The following FRAS1 variants were observed in gnomAD, a reference collection of about 807,000 sequenced individuals.
FRAS1 encodes the protein extracellular matrix organizing protein FRAS1.
Under a neutral mutation model 435.2 loss-of-function variants are expected in FRAS1, and 290 were observed. That is an observed-to-expected ratio of 0.67 (90% CI 0.61 to 0.73). The LOEUF is 0.73. Among genes scored for constraint, FRAS1 ranks in the 30% least tolerant of loss-of-function variants. The pLI, the probability that FRAS1 is intolerant of heterozygous loss-of-function variation, is 0.00. For missense variants in FRAS1, 4,860 were observed against 5,001.5 expected (o/e 0.97, Z 0.85); for synonymous variants, 1,800 against 1,851.0 (o/e 0.97, Z 0.71).
chr4:78,170,829 C>T (rs1240231080), intron 2 of FRAS1, among the ~76,000 whole-genome samples: 2 of 151,974 alleles, frequency 1.3e-5, no homozygotes, highest in Admixed American at 6.5e-5. Flanking sequence ...TCACGGGTGG[C>T]CCCACAGTCA....
At chr4:78,384,231 A>G in intron 28 of FRAS1, 88 bp downstream of exon 28, 1 of 939,474 alleles carries the variant, frequency 1.1e-6, no homozygotes, top group Non-Finnish European at 1.6e-6. Flanking sequence ...TTTAATGAAA[A>G]TTATTGCATT....
Position 78,259,115 on chromosome 4 carries a change from ATT to A in FRAS1, c.603+3742_603+3743del, listed in dbSNP as rs1725947647. Among the ~76,000 whole-genome samples, 4 of 82,774 alleles carry A rather than the reference ATT, an allele frequency of 4.8e-5. No individual in the cohort carries two copies. In the Admixed American group the frequency reaches 5.0e-4, roughly 10 times the overall value. The allele number at this position is 82,774 out of a possible 152,430, so 54.3% of individuals were successfully genotyped here. The stretch of plus-strand genomic sequence containing the variant: ...TTAATCCAGTCTATCATTGTTGGAC[ATT>A]TGTGTTGGTTCCAAGTCTTTGCTAT... On this transcript the variant is annotated intron_variant, in intron 6 of 73. Transcript: ENST00000512123.
At chr4:78,487,641 A>G (rs550988793) in intron 58 of FRAS1, among the ~76,000 whole-genome samples, 2 of 152,334 alleles carry the variant, frequency 1.3e-5, no homozygotes, top group South Asian at 4.1e-4. Flanking sequence ...GATTCTTCAT[A>G]TTGAGAATTC....
At chr4:78,061,803 CA>C (rs567211552) in intron 1 of FRAS1, among the ~76,000 whole-genome samples, 4 of 151,986 alleles carry the variant, frequency 2.6e-5, no homozygotes, top group Non-Finnish European at 5.9e-5. Flanking sequence ...AAACCAAAGC[CA>C]AAAAAACCTC....
chr4:78,141,311 T>G (rs1720172804), intron 2 of FRAS1, among the ~76,000 whole-genome samples: 1 of 152,188 alleles, frequency 6.6e-6, no homozygotes, highest in Non-Finnish European at 1.5e-5. Flanking sequence ...CCTTGTCACC[T>G]TTATTTTAAC....
chr4:78,111,672 C>T (rs1198457776), intron 2 of FRAS1, among the ~76,000 whole-genome samples: 17 of 116,606 alleles, frequency 1.5e-4, no homozygotes, highest in Non-Finnish European at 2.6e-4. Flanking sequence ...TTAGTGGGTG[C>T]AGCGCACCAG....
chr4:78,505,111 G>C (rs762860754), intron 61 of FRAS1, among the ~76,000 whole-genome samples: 74 of 152,210 alleles, frequency 4.9e-4, no homozygotes, highest in Non-Finnish European at 7.1e-4. Context: ...AGTATGATGG[G>C]CTTCCCTTTG....
chr4:78,396,046 C>T (rs1732647691), intron 29 of FRAS1, among the ~76,000 whole-genome samples: 2 of 151,834 alleles, frequency 1.3e-5, no homozygotes, highest in Admixed American at 1.3e-4. Context: ...TCATGATTGC[C>T]ATGAGGGTTA....
chr4:78,501,047 A>G (rs1176861771), intron 61 of FRAS1, among the ~76,000 whole-genome samples: 2 of 152,124 alleles, frequency 1.3e-5, no homozygotes, highest in South Asian at 2.1e-4. Flanking sequence ...TGCATGTGCC[A>G]TGTTGGTTTG....
chr4:78,459,941 T>A (rs1478438590), intron 47 of FRAS1, among the ~76,000 whole-genome samples: 1 of 152,204 alleles, frequency 6.6e-6, no homozygotes, highest in Non-Finnish European at 1.5e-5. Flanking sequence ...TCTAATTACA[T>A]CTACAATTAC....
At chr4:78,107,797 G>T (rs1321146658) in intron 2 of FRAS1, among the ~76,000 whole-genome samples, 1 of 1,648 alleles carries the variant, frequency 6.1e-4, no homozygotes, top group Non-Finnish European at 9.7e-4. Context: ...AAAAGACACA[G>T]ACTGGCAAGT....
At chr4:78,354,141 C>T (rs1027335789) in intron 20 of FRAS1, among the ~76,000 whole-genome samples, 1 of 151,952 alleles carries the variant, frequency 6.6e-6, no homozygotes, top group African/African-American at 2.4e-5. Flanking sequence ...TTTGACACTG[C>T]CACTCGCCAC....
chr4:78,207,140 A>G (rs936155409), intron 2 of FRAS1, among the ~76,000 whole-genome samples: 3 of 152,350 alleles, frequency 2.0e-5, no homozygotes, highest in South Asian at 4.1e-4. Flanking sequence ...TTTTTTCTGA[A>G]GCCACCCATT....
chr4:78,362,717 A>G (rs1361903111), intron 20 of FRAS1, among the ~76,000 whole-genome samples: 1 of 152,172 alleles, frequency 6.6e-6, no homozygotes, highest in Non-Finnish European at 1.5e-5. Flanking sequence ...TGATGGTGAA[A>G]GTGGAGAATT....
chr4:78,302,243 T>A (rs1728449111), intron 14 of FRAS1, among the ~76,000 whole-genome samples: 1 of 151,320 alleles, frequency 6.6e-6, no homozygotes, highest in Non-Finnish European at 1.5e-5. Context: ...ATTTTCTTAA[T>A]CCAGTCTATC....
At chr4:78,272,339 G>T (rs778877691) in intron 9 of FRAS1, among the ~76,000 whole-genome samples, 14 of 152,196 alleles carry the variant, frequency 9.2e-5, no homozygotes, top group East Asian at 3.9e-4. Flanking sequence ...GTCAATTTTG[G>T]CTTTTGTTGC....
chr4:78,119,601 T>G (rs10025769), intron 2 of FRAS1, among the ~76,000 whole-genome samples: 33,004 of 152,108 alleles, frequency 0.22, 3,941 homozygotes, highest in Admixed American at 0.29. Context: ...TGTTGGACAC[T>G]TAGGTTGATT....
At chr4:78,257,362 G>T (rs538636183) in intron 6 of FRAS1, among the ~76,000 whole-genome samples, 1 of 152,174 alleles carries the variant, frequency 6.6e-6, no homozygotes, top group South Asian at 2.1e-4. Flanking sequence ...TTTTGCACCT[G>T]CCTAATAATA....
chr4:78,140,729 ACGTGTG>A (rs1560546165), intron 2 of FRAS1, among the ~76,000 whole-genome samples: 8 of 149,092 alleles, frequency 5.4e-5, no homozygotes, highest in African/African-American at 2.0e-4. Context: ...ATATGTATAT[ACGTGTG>A]TGTATATGTA....
Sources: gnomAD v4.1 joint callset for allele counts (sites outside exome capture counted in the v4.1 genomes callset) on GRCh38, gnomAD v4.1.1 for gene constraint, MANE v1.5 for transcripts, NCBI Gene and HGNC (gene_info 2026-07-23, HGNC 2026-07-21) for gene names.